Variants in NEMF observed in about 807,000 individuals in gnomAD.
The protein encoded by NEMF is ribosome quality control complex subunit NEMF.
NEMF carries 89 observed loss-of-function variants against 162.2 expected under a neutral mutation model. The ratio of observed to expected loss-of-function variants is 0.55; its 90% CI spans 0.46 to 0.65. The LOEUF is 0.65. Among genes scored for constraint, NEMF ranks in the 30% least tolerant of loss-of-function variants. The pLI, the probability that NEMF is intolerant of heterozygous loss-of-function variation, is 0.00. For synonymous variants in NEMF, 421 were observed against 404.5 expected (o/e 1.04, Z -0.49); for missense variants, 1,133 against 1,261.9 (o/e 0.90, Z 1.55).
Position 49,811,731 on chromosome 14 carries a change from GATTAT to G in NEMF, c.1744+2252_1744+2256del, listed in dbSNP as rs370295724. Among the ~76,000 whole-genome samples the G allele has an allele frequency of 3.4e-3, 511 of 152,170 alleles. 3 individuals carry two copies. Among genetic ancestry groups the G allele is most frequent in the African/African-American group, 0.012 (488 of 41,512 alleles). On this transcript the variant is annotated intron_variant, in intron 18 of 32. Transcript: ENST00000298310. Reference sequence around the variant, plus strand: ...GTGTGTTTTTTGTCCTTTATTAGTAGATTATATTACATTAATTTCCATATACTGAA... The same window carrying G: ...GTGTGTTTTTTGTCCTTTATTAGTAGATTACATTAATTTCCATATACTGAA...
At chr14:49,787,013 T>C (rs1011806633) in intron 28 of NEMF, 23 of 358,004 alleles carry the variant, frequency 6.4e-5, no homozygotes, top group Admixed American at 1.3e-4. Context: ...AGGTGGGAAC[T>C]GAAACTTTCA....
chr14:49,844,743 A>ACACACACG, intron 4 of NEMF: 1 of 183,168 alleles, frequency 5.5e-6, no homozygotes, highest in Non-Finnish European at 1.4e-5. Context: ...GCGCGCACAC[A>ACACACACG]CACACACACA....
chr14:49,846,084 T>G lies in NEMF; in HGVS notation c.357+56A>C, dbSNP rs1441263712. 4 of 1,527,662 alleles carry G rather than the reference T, an allele frequency of 2.6e-6. No individual in the cohort carries two copies. The African/African-American group carries it at 4.1e-5, about 16-fold the overall frequency. 94.6% of individuals were successfully genotyped at this position (1,527,662 alleles called of 1,614,324 possible). A position where few individuals can be genotyped will look rare whatever the true frequency, so the allele number is the denominator to read the frequency against. On this transcript the variant is annotated intron_variant, in intron 4 of 32. Coordinates refer to ENST00000298310, the MANE Select transcript of NEMF (RefSeq NM_004713.6). Reference sequence around the variant, plus strand: ...CCCCCACTCATGTTATATAGCACTATTACAAAATGATTAATAAGAAATTTT... The same window carrying G: ...CCCCCACTCATGTTATATAGCACTAGTACAAAATGATTAATAAGAAATTTT...
Position 49,840,799 on chromosome 14 carries a change from G to A in NEMF, c.425C>T (p.Ala142Val). 2 of 1,613,430 alleles carry A rather than the reference G, an allele frequency of 1.2e-6. No homozygotes were observed. Among genetic ancestry groups the A allele is most frequent in the Non-Finnish European group, 1.7e-6 (2 of 1,179,446 alleles). The part of the protein sequence containing the change: ...LNILRFRTDE[A>V]DDVKFAVRER... Reference sequence around the variant, plus strand: ...ACGAACAGCAAATTTAACATCATCTGCCTCATCAGTTCGAAACCTTAGAAT... The same window carrying A: ...ACGAACAGCAAATTTAACATCATCTACCTCATCAGTTCGAAACCTTAGAAT... The change falls in exon 5 of 33, where the codon GCA (alanine) becomes GTA (valine). Residue 142 changes from alanine to valine, a missense_variant. Ala to Val is a moderately conservative substitution (Grantham distance 64). Transcript: ENST00000298310.
chr14:49,806,027 A>T lies in NEMF; in HGVS notation c.1851T>A (p.His617Gln), dbSNP rs1413223587. 38 of 1,606,150 alleles carry T rather than the reference A, an allele frequency of 2.4e-5. No homozygotes were observed. The highest frequency in any genetic ancestry group is 3.1e-5 in the Non-Finnish European group (36 of 1,174,948). ...RVITSAWWVY[H>Q]HQVSKTAPTG... ...GGACAAGAGCCCTTATTACCTGATG[A>T]TGGTACACCCACCAAGCACTAGTGA... The change falls in exon 19 of 33, where the codon CAT (histidine) becomes CAA (glutamine). Residue 617 changes from histidine to glutamine, a missense_variant. By Grantham distance (24) the His-to-Gln change is conservative. Coordinates refer to ENST00000298310, the MANE Select transcript of NEMF (RefSeq NM_004713.6).
rs1889963927 is a variant in NEMF at position 49,782,701 on chromosome 14, C to A, written c.*1935G>T. 7.4e-7 allele frequency: 1 copy of A among 1,356,648 alleles called. No individual in the cohort carries two copies. Among genetic ancestry groups the A allele is most frequent in the Non-Finnish European group, 1.0e-6 (1 of 987,386 alleles). 84.0% of individuals were successfully genotyped at this position (1,356,648 alleles called of 1,614,324 possible). ...GGATTATTTAAGGGCAATAAAACTT[C>A]ATTGCTATAACCAGTTCCTATGAAA... On this transcript the variant is annotated 3_prime_UTR_variant, in exon 33 of 33. Coordinates refer to ENST00000298310, the MANE Select transcript of NEMF (RefSeq NM_004713.6).
At chr14:49,791,268 GA>G (rs748460611) in intron 26 of NEMF, among the ~76,000 whole-genome samples, 5 of 152,026 alleles carry the variant, frequency 3.3e-5, no homozygotes, top group Non-Finnish European at 5.9e-5. Context: ...CCAGGAGGCA[GA>G]GGTTGCAGTG....
At position 49,831,449 on chromosome 14, in the gene NEMF, T is replaced by C. The variant is rs570671044; in HGVS notation, c.883-88A>G. 4 of 846,356 alleles carry C rather than the reference T, an allele frequency of 4.7e-6. No homozygotes were observed. The African/African-American group carries it at 6.8e-5, about 14-fold the overall frequency. 52.4% of individuals were successfully genotyped at this position (846,356 alleles called of 1,614,324 possible). On this transcript the variant is annotated intron_variant, in intron 10 of 32. Coordinates refer to ENST00000298310, the MANE Select transcript of NEMF (RefSeq NM_004713.6). ...CACAGAATTTTATTTTTTTTTTCTT[T>C]TTTTTTGAGACAGAGTCTCACTCTG...
At position 49,806,033 on chromosome 14, in the gene NEMF, C is replaced by T. The variant is rs746687050; in HGVS notation, c.1845G>A (p.Val615=). 7 of 1,608,242 alleles carry T rather than the reference C, an allele frequency of 4.4e-6. No individual in the cohort carries two copies. The highest frequency in any genetic ancestry group is 5.9e-6 in the Non-Finnish European group (7 of 1,176,538). ...GAGCCCTTATTACCTGATGATGGTA[C>T]ACCCACCAAGCACTAGTGATAACTC... The part of the protein sequence containing the change: ...DARVITSAWW[V]YHHQVSKTAP... Residue 615 remains valine, a synonymous_variant, in exon 19 of 33, where the codon GTG becomes GTA. Coordinates refer to ENST00000298310, the MANE Select transcript of NEMF (RefSeq NM_004713.6).
At position 49,789,414 on chromosome 14, in the gene NEMF, T is replaced by C. The variant is rs114036112; in HGVS notation, c.2698-71A>G. The C allele has an allele frequency of 1.1e-3, 1,694 of 1,610,068 alleles. 18 individuals are homozygous for C. The African/African-American group carries it at 0.02, about 19-fold the overall frequency. ...CTGTGAATATTTTAACAAGAATGTA[T>C]TGAATGCCTGTCATACGCTAGGCAG... On this transcript the variant is annotated intron_variant, in intron 27 of 32. Coordinates refer to ENST00000298310, the MANE Select transcript of NEMF (RefSeq NM_004713.6).
intron 1 of NEMF, 80 bp from the exon 2 acceptor site, chr14:49,851,955 G>C (rs1238829131): frequency 1.5e-5 from 13 of 861,326 alleles, no homozygotes; most frequent in Non-Finnish European, 2.2e-5. Flanking sequence ...TAAAAGCTTC[G>C]AAAGAGCGGA....
rs770953884 is a variant in NEMF, at chr14:49,832,034, C to G, written c.882+17G>C. 1.9e-6 allele frequency: 3 copies of G among 1,565,160 alleles called. No homozygotes were observed. The highest frequency in any genetic ancestry group is 2.4e-5 in the South Asian group (2 of 84,460). On this transcript the variant is annotated intron_variant, in intron 10 of 32. Coordinates refer to ENST00000298310, the MANE Select transcript of NEMF (RefSeq NM_004713.6). ...TCATGCTAACTAACTGGTAAAGGAACAGAACGGAAAACCCACCTTGTCAAA... is the reference window on the plus strand; with the variant it reads ...TCATGCTAACTAACTGGTAAAGGAAGAGAACGGAAAACCCACCTTGTCAAA...
chr14:49,838,607 C>T (rs1273513953), intron 5 of NEMF, among the ~76,000 whole-genome samples: 1 of 133,226 alleles, frequency 7.5e-6, no homozygotes, highest in Non-Finnish European at 1.6e-5. Context: ...TTTTTTGAGA[C>T]GGCATCTTGC....
intron 5 of NEMF, chr14:49,839,933 G>C (rs1389845501): frequency 6.6e-6 from 1 of 152,220 alleles, no homozygotes; most frequent in Non-Finnish European, 1.5e-5. Context: ...GCTGAAGTGG[G>C]AGGATTGCTA....
At chr14:49,852,000 G>T in intron 1 of NEMF, 125 bp from the exon 2 acceptor site, 2 of 609,484 alleles carry the variant, frequency 3.3e-6, no homozygotes, top group Non-Finnish European at 5.7e-6. Flanking sequence ...CAGCCGAGGA[G>T]CAGAGTCTGA....
intron 16 of NEMF, among the ~76,000 whole-genome samples, chr14:49,822,174 C>T (rs948057664): frequency 6.6e-6 from 1 of 151,986 alleles, no homozygotes; most frequent in Non-Finnish European, 1.5e-5. Flanking sequence ...AAACACTCTG[C>T]CTAGGAAAAC....
chr14:49,782,778 A>G lies in NEMF; in HGVS notation c.*1858T>C. ...TTTATGTAGTTTTTCAAGTGAATGTACTTCCAAACAGTAAAGTGAAATTAC... is the reference window on the plus strand; with the variant it reads ...TTTATGTAGTTTTTCAAGTGAATGTGCTTCCAAACAGTAAAGTGAAATTAC... On this transcript the variant is annotated 3_prime_UTR_variant, in exon 33 of 33. Coordinates refer to ENST00000298310, the MANE Select transcript of NEMF (RefSeq NM_004713.6). 2 of 1,576,808 alleles carry G rather than the reference A, an allele frequency of 1.3e-6. No individual in the cohort carries two copies. The highest frequency in any genetic ancestry group is 1.7e-6 in the Non-Finnish European group (2 of 1,161,948).
intron 22 of NEMF, chr14:49,800,938 T>G: frequency 2.4e-6 from 1 of 417,006 alleles, no homozygotes; most frequent in South Asian, 5.4e-5. Flanking sequence ...TTGCTACCCT[T>G]TCAACAATGA....
In NEMF at chr14:49,799,740, C is replaced by T. The variant is rs528161885; in HGVS notation, c.2373-62G>A. ...GTAAAAGACATGCATTTACAAAGTCCCAAAACATTCCCATATCATACTCTT... is the reference window on the plus strand; with the variant it reads ...GTAAAAGACATGCATTTACAAAGTCTCAAAACATTCCCATATCATACTCTT... On this transcript the variant is annotated intron_variant, in intron 23 of 32. Transcript: ENST00000298310. 5.6e-5 allele frequency: 75 copies of T among 1,340,310 alleles called. 1 individual carries two copies. The South Asian group carries it at 9.5e-4, about 17-fold the overall frequency. 83.0% of individuals were successfully genotyped at this position (1,340,310 alleles called of 1,614,324 possible).
Sources: allele counts gnomAD v4.1 joint callset (sites outside exome capture counted in the v4.1 genomes callset), GRCh38; gene constraint gnomAD v4.1.1; transcripts MANE v1.5; gene names NCBI Gene and HGNC (gene_info 2026-07-23, HGNC 2026-07-21).